Variants in OR4N2 observed in about 807,000 individuals in gnomAD.
OR4N2 encodes olfactory receptor family 4 subfamily N member 2, also known as olfactory receptor 4N2.
For missense variants in OR4N2, 307 were observed against 377.6 expected, an observed-to-expected ratio of 0.81 and a Z score of 1.55; for synonymous variants, 141 against 140.4, an observed-to-expected ratio of 1.00 and a Z score of -0.03.
chr14:19,820,514 T>C (rs1879537731), intron 1 of OR4N2, among the ~76,000 whole-genome samples: 1 of 152,270 alleles, frequency 6.6e-6, no homozygotes. Flanking sequence ...TTAAGTCTGC[T>C]GAAGCTGTGC....
intron 1 of OR4N2, among the ~76,000 whole-genome samples, chr14:19,816,215 G>GT (rs1283343796): frequency 1.3e-5 from 2 of 152,180 alleles, no homozygotes; most frequent in Non-Finnish European, 1.5e-5. Context: ...ATTTAAAGTC[G>GT]TTTTTTCTAA....
At chr14:19,827,001 T>G (rs1289669565) in intron 1 of OR4N2, among the ~76,000 whole-genome samples, 2 of 152,098 alleles carry the variant, frequency 1.3e-5, no homozygotes, top group African/African-American at 4.8e-5. Context: ...TCTAGGAAAA[T>G]TTTGGGGTGG....
Position 19,830,030 on chromosome 14 carries a change from C to G in OR4N2, c.*1658C>G, listed in dbSNP as rs1361735653. ...TTTAACTTCTCCTGAGACTGAGTGA[C>G]CTGATCCTGCTCCTACAGAAGTAAA... On this transcript the variant is annotated 3_prime_UTR_variant, in exon 2 of 2. Coordinates refer to ENST00000557677, the MANE Select transcript of OR4N2 (RefSeq NM_001004723.3). 5 of 152,524 alleles carry G rather than the reference C, an allele frequency of 3.3e-5. No homozygotes were observed. Among genetic ancestry groups the G allele is most frequent in the Admixed American group, 6.5e-5 (1 of 15,298 alleles). The allele number at this position is 152,524 out of a possible 1,614,324, so 9.4% of individuals were successfully genotyped here.
At chr14:19,823,796 A>AG (rs567266677) in intron 1 of OR4N2, among the ~76,000 whole-genome samples, 38 of 152,264 alleles carry the variant, frequency 2.5e-4, no homozygotes, top group African/African-American at 7.9e-4. Flanking sequence ...AATCACAACC[A>AG]GAAAAAAAAA....
chr14:19,819,957 T>G (rs111668947), intron 1 of OR4N2, among the ~76,000 whole-genome samples: 1,908 of 151,648 alleles, frequency 0.013, no homozygotes, highest in Middle Eastern at 0.028. Flanking sequence ...GCTGCAGGTC[T>G]GCTGGAGTTT....
chr14:19,814,516 G>A (rs548307583), intron 1 of OR4N2, among the ~76,000 whole-genome samples: 4 of 152,216 alleles, frequency 2.6e-5, no homozygotes, highest in Admixed American at 6.5e-5. Context: ...CAATAGTAGA[G>A]ATAAACATTT....
intron 1 of OR4N2, among the ~76,000 whole-genome samples, chr14:19,819,399 TC>T (rs1879507008): frequency 6.6e-6 from 1 of 152,256 alleles, no homozygotes; most frequent in South Asian, 2.1e-4. Flanking sequence ...CAATCTTTTT[TC>T]TCCAATCTTG....
In OR4N2 at chr14:19,815,240, T is replaced by C. The variant is rs532197324; in HGVS notation, c.-10+11396T>C. 1.5e-4 allele frequency among the ~76,000 whole-genome samples: 23 copies of C among 152,378 alleles called. No homozygotes were observed. In the South Asian group the frequency reaches 4.8e-3, roughly 32 times the overall value. On this transcript the variant is annotated intron_variant, in intron 1 of 1. Transcript: ENST00000557677. Reference sequence around the variant, plus strand: ...TTTCTGGTTCTACATCCTTGAGGAATCGCTACACTGTCTTCCACAATGGTT... The same window carrying C: ...TTTCTGGTTCTACATCCTTGAGGAACCGCTACACTGTCTTCCACAATGGTT...
At chr14:19,808,336 T>G (rs547070521) in intron 1 of OR4N2, among the ~76,000 whole-genome samples, 1 of 152,254 alleles carries the variant, frequency 6.6e-6, no homozygotes, top group South Asian at 2.1e-4. Flanking sequence ...TAGAAAACCC[T>G]AACTTTCACA....
Position 19,828,446 on chromosome 14 carries a change from G to A in OR4N2, c.*74G>A, listed in dbSNP as rs1400044702. 7.4e-7 allele frequency: 1 copy of A among 1,359,384 alleles called. No individual in the cohort carries two copies. The highest frequency in any genetic ancestry group is 1.4e-5 in the South Asian group (1 of 69,414). 84.2% of individuals were successfully genotyped at this position (1,359,384 alleles called of 1,614,324 possible). Reference sequence around the variant, plus strand: ...CTGAAATTGATTTGTTTATTTCCAAGTACTGCAATCACTGAGTACCTCCCA... The same window carrying A: ...CTGAAATTGATTTGTTTATTTCCAAATACTGCAATCACTGAGTACCTCCCA... On this transcript the variant is annotated 3_prime_UTR_variant, in exon 2 of 2. Transcript: ENST00000557677.
At position 19,829,521 on chromosome 14, in the gene OR4N2, A is replaced by T. The variant is rs1280248752; in HGVS notation, c.*1149A>T. On this transcript the variant is annotated 3_prime_UTR_variant, in exon 2 of 2. Transcript: ENST00000557677. ...ACACAGGTGACCAATGTTGTCAGGG[A>T]AGTTGTTCTTGCTACAATCTTAGCC... The T allele has an allele frequency of 6.6e-6, 1 of 151,962 alleles. No homozygotes were observed. The highest frequency in any genetic ancestry group is 1.9e-4 in the East Asian group (1 of 5,194). The allele number at this position is 151,962 out of a possible 1,614,324, so 9.4% of individuals were successfully genotyped here. A position where few individuals can be genotyped will look rare whatever the true frequency, so the allele number is the denominator to read the frequency against.
rs896987860 is a variant in OR4N2, at chr14:19,829,979, C to T, written c.*1607C>T. On this transcript the variant is annotated 3_prime_UTR_variant, in exon 2 of 2. Transcript: ENST00000557677. ...TTAATCTCCCATCACTACCACTATA[C>T]AACCTGCATCTGTGATTAAGTTTCC... The T allele has an allele frequency of 5.3e-5, 8 of 152,354 alleles. No homozygotes were observed. The highest frequency in any genetic ancestry group is 1.7e-4 in the African/African-American group (7 of 41,468). 9.4% of individuals were successfully genotyped at this position (152,354 alleles called of 1,614,324 possible).
chr14:19,826,452 G>A (rs1879702593), intron 1 of OR4N2, among the ~76,000 whole-genome samples: 1 of 152,166 alleles, frequency 6.6e-6, no homozygotes, highest in South Asian at 2.1e-4. Flanking sequence ...TACTTATCAA[G>A]CAGAGCAAAA....
chr14:19,820,013 A>G (rs1879524878), intron 1 of OR4N2, among the ~76,000 whole-genome samples: 1 of 152,244 alleles, frequency 6.6e-6, no homozygotes, highest in South Asian at 2.1e-4. Flanking sequence ...GTCATCAGCA[A>G]ATGCTGCAGA....
chr14:19,809,819 C>A (rs1355040917), intron 1 of OR4N2, among the ~76,000 whole-genome samples: 5 of 152,196 alleles, frequency 3.3e-5, no homozygotes, highest in African/African-American at 7.2e-5. Context: ...TGAAATGTAA[C>A]CCCTTCTTAT....
chr14:19,824,062 GA>G (rs1594401591), intron 1 of OR4N2, among the ~76,000 whole-genome samples: 2 of 152,346 alleles, frequency 1.3e-5, no homozygotes, highest in East Asian at 3.9e-4. Context: ...ATCAATGCAC[GA>G]ATTAGCTGAA....
chr14:19,808,302 T>A (rs1879214923), intron 1 of OR4N2, among the ~76,000 whole-genome samples: 1 of 152,204 alleles, frequency 6.6e-6, no homozygotes, highest in Admixed American at 6.5e-5. Flanking sequence ...CTATTTCTAT[T>A]CACTGATGAT....
intron 1 of OR4N2, among the ~76,000 whole-genome samples, chr14:19,824,000 C>G (rs1263115055): frequency 6.6e-6 from 1 of 152,198 alleles, no homozygotes; most frequent in Non-Finnish European, 1.5e-5. Context: ...GTGGTGAACC[C>G]TTCTCCTTCA....
At chr14:19,808,279 A>G (rs1335675203) in intron 1 of OR4N2, among the ~76,000 whole-genome samples, 1 of 152,218 alleles carries the variant, frequency 6.6e-6, no homozygotes, top group Non-Finnish European at 1.5e-5. Context: ...AAATAGAAAA[A>G]TAAGAAGTCA....
Sources: gnomAD v4.1 joint callset for allele counts (sites outside exome capture counted in the v4.1 genomes callset) on GRCh38, gnomAD v4.1.1 for gene constraint, MANE v1.5 for transcripts, NCBI Gene and HGNC (gene_info 2026-07-23, HGNC 2026-07-21) for gene names.